The following MACROD2 variants were observed in gnomAD, a reference collection of about 807,000 sequenced individuals.
MACROD2 encodes the protein mono-ADP ribosylhydrolase 2, also known as ADP-ribose glycohydrolase MACROD2.
Under a neutral mutation model 70.4 loss-of-function variants are expected in MACROD2, and 36 were observed. That is an observed-to-expected ratio of 0.51 (90% CI 0.39 to 0.68). MACROD2 has a LOEUF of 0.68. Ranked by LOEUF, MACROD2 falls within the 30% of genes least tolerant of loss-of-function variation. The pLI is 0.00. For missense variants in MACROD2, 496 were observed against 538.4 expected (o/e 0.92, Z 0.78); for synonymous variants, 172 against 178.8 (o/e 0.96, Z 0.30).
chr20:14,862,212 T>TATATAA (rs1212731833), intron 5 of MACROD2, among the ~76,000 whole-genome samples: 47 of 7,786 alleles, frequency 6.0e-3, no homozygotes, highest in Non-Finnish European at 8.2e-3. Context: ...TATAAATATA[T>TATATAA]ATATATATAA....
intron 5 of MACROD2, among the ~76,000 whole-genome samples, chr20:15,200,272 T>A (rs1336437573): frequency 6.6e-6 from 1 of 152,222 alleles, no homozygotes; most frequent in African/African-American, 2.4e-5. Flanking sequence ...AAACTTCACA[T>A]GCTACTTTGA....
chr20:15,967,597 G>C lies in MACROD2; in HGVS notation c.952G>C (p.Asp318His). 6.2e-7 allele frequency: 1 copy of C among 1,601,394 alleles called. No individual in the cohort carries two copies. The highest frequency in any genetic ancestry group is 8.5e-7 in the Non-Finnish European group (1 of 1,173,430). The stretch of plus-strand genomic sequence containing the variant: ...TATTACAAAAGGCGGTGAAGTGACA[G>C]ATCATTCTGTGCGTGACCAAGATCA... ...ENITKGGEVT[D>H]HSVRDQDHPD... The change falls in exon 13 of 18, where the codon GAT (aspartate) becomes CAT (histidine). Residue 318 changes from aspartate (D) to histidine (H), a missense_variant. Asp to His is a moderately conservative substitution (Grantham distance 81, BLOSUM62 -1). Transcript: ENST00000684519.
intron 8 of MACROD2, among the ~76,000 whole-genome samples, chr20:15,860,432 GA>G (rs2064409992): frequency 6.6e-6 from 1 of 152,024 alleles, no homozygotes; most frequent in African/African-American, 2.4e-5. Flanking sequence ...AAGCCTGGGG[GA>G]AAAAAGTCAA....
At chr20:14,446,648 A>T (rs956688326) in intron 3 of MACROD2, among the ~76,000 whole-genome samples, 6 of 152,082 alleles carry the variant, frequency 3.9e-5, no homozygotes, top group African/African-American at 1.2e-4. Context: ...TTTCAGACAG[A>T]GTGGCAACTT....
chr20:15,909,941 C>G (rs1033593290), intron 10 of MACROD2, among the ~76,000 whole-genome samples: 8 of 152,096 alleles, frequency 5.3e-5, no homozygotes, highest in Non-Finnish European at 1.2e-4. Flanking sequence ...TTAATACCTA[C>G]TTTGTATAAT....
intron 12 of MACROD2, among the ~76,000 whole-genome samples, chr20:15,947,758 G>A (rs1451801687): frequency 6.6e-6 from 1 of 152,134 alleles, no homozygotes; most frequent in Non-Finnish European, 1.5e-5. Context: ...TGCTGTTGAT[G>A]ATTTAACAGT....
At chr20:15,583,356 A>T (rs1285212365) in intron 8 of MACROD2, among the ~76,000 whole-genome samples, 2 of 152,258 alleles carry the variant, frequency 1.3e-5, no homozygotes, top group African/African-American at 4.8e-5. Context: ...TTATGTATCA[A>T]AGCTAATGTC....
intron 8 of MACROD2, among the ~76,000 whole-genome samples, chr20:15,799,224 G>A (rs2063702061): frequency 6.6e-6 from 1 of 152,172 alleles, no homozygotes; most frequent in Non-Finnish European, 1.5e-5. Flanking sequence ...TAGGGTACCT[G>A]TGATATTGGG....
At chr20:15,091,413 G>T (rs2123165411) in intron 5 of MACROD2, among the ~76,000 whole-genome samples, 1 of 151,988 alleles carries the variant, frequency 6.6e-6, no homozygotes, top group African/African-American at 2.4e-5. Flanking sequence ...TAAGATAAAT[G>T]AATGAAAATA....
intron 4 of MACROD2, among the ~76,000 whole-genome samples, chr20:14,554,042 T>G (rs540126261): frequency 1.3e-5 from 2 of 152,270 alleles, no homozygotes; most frequent in Non-Finnish European, 2.9e-5. Context: ...GTTTTGCTCA[T>G]TTTTAATCCC....
At chr20:15,380,955 A>G (rs1031615508) in intron 6 of MACROD2, among the ~76,000 whole-genome samples, 2 of 151,972 alleles carry the variant, frequency 1.3e-5, no homozygotes, top group African/African-American at 2.4e-5. Context: ...TTTCACTTTC[A>G]TATTACTCAT....
chr20:14,001,099 G>C (rs1323889898), intron 1 of MACROD2, among the ~76,000 whole-genome samples: 1 of 152,138 alleles, frequency 6.6e-6, no homozygotes, highest in African/African-American at 2.4e-5. Context: ...TAGTACAGTG[G>C]AATAAATAAC....
At chr20:14,864,423 AT>A (rs894355480) in intron 5 of MACROD2, among the ~76,000 whole-genome samples, 84 of 152,112 alleles carry the variant, frequency 5.5e-4, no homozygotes, top group Non-Finnish European at 1.1e-3. Context: ...AAATCAGTAA[AT>A]TTTTTTATAC....
At chr20:15,283,528 T>A (rs1171418824) in intron 6 of MACROD2, among the ~76,000 whole-genome samples, 1 of 151,832 alleles carries the variant, frequency 6.6e-6, no homozygotes. Context: ...AAAAATTAGC[T>A]GGGCATGGTG....
At chr20:15,098,530 T>G (rs2075850160) in intron 5 of MACROD2, among the ~76,000 whole-genome samples, 1 of 152,188 alleles carries the variant, frequency 6.6e-6, no homozygotes. Context: ...TGTTGGACAT[T>G]TATGCCATGA....
In MACROD2 at chr20:15,933,348, G is replaced by T. The variant is rs761495619; in HGVS notation, c.838+10G>T. 3.1e-6 allele frequency: 5 copies of T among 1,612,436 alleles called. No homozygotes were observed. The East Asian group carries it at 1.1e-4, about 36-fold the overall frequency. ...CAGAGCCAAGATGCAGGTAGGCTCA[G>T]ATTTCTTTTGAGAAGTCACCTAGGC... is the stretch of plus-strand genomic sequence containing the variant. On this transcript the variant is annotated intron_variant, in intron 11 of 17. Transcript: ENST00000684519.
intron 3 of MACROD2, among the ~76,000 whole-genome samples, chr20:14,207,802 C>T (rs983676328): frequency 6.6e-6 from 1 of 152,136 alleles, no homozygotes; most frequent in African/African-American, 2.4e-5. Context: ...AGCCGTGGGT[C>T]ATACAATTCC....
At chr20:15,921,885 CTT>C (rs1007429372) in intron 10 of MACROD2, among the ~76,000 whole-genome samples, 1 of 152,210 alleles carries the variant, frequency 6.6e-6, no homozygotes, top group Admixed American at 6.5e-5. Flanking sequence ...GCAGCTGAGA[CTT>C]AGTCCTGCGG....
intron 5 of MACROD2, among the ~76,000 whole-genome samples, chr20:14,733,323 G>A (rs1239059073): frequency 1.3e-5 from 2 of 152,050 alleles, no homozygotes; most frequent in Non-Finnish European, 2.9e-5. Flanking sequence ...ATATTCCTGT[G>A]ATACTTTGAT....
Sources: allele counts gnomAD v4.1 joint callset (sites outside exome capture counted in the v4.1 genomes callset), GRCh38; gene constraint gnomAD v4.1.1; transcripts MANE v1.5; gene names NCBI Gene and HGNC (gene_info 2026-07-23, HGNC 2026-07-21).